Variants in FBXO34 observed in about 807,000 individuals in gnomAD.
FBXO34 encodes F-box only protein 34.
FBXO34 carries 12 observed loss-of-function variants against 24.5 expected under a neutral mutation model. That is an observed-to-expected ratio of 0.49 (90% confidence interval 0.31 to 0.79). The LOEUF (loss-of-function observed/expected upper bound fraction) is 0.79, where lower values mean the gene tolerates loss of function less well. Among genes scored for constraint, FBXO34 ranks in the 30% least tolerant of loss-of-function variants. The pLI, the probability that FBXO34 is intolerant of heterozygous loss-of-function variation, is 0.04. For missense variants in FBXO34, 823 were observed against 857.7 expected, an observed-to-expected ratio of 0.96 and a Z score of 0.51; for synonymous variants, 320 against 311.9, an observed-to-expected ratio of 1.03 and a Z score of -0.27.
At chr14:55,329,153 TAAAA>T (rs1883450746) in intron 1 of FBXO34, among the ~76,000 whole-genome samples, 1 of 149,626 alleles carries the variant, frequency 6.7e-6, no homozygotes, top group Non-Finnish European at 1.5e-5. Flanking sequence ...GGTTTATTTC[TAAAA>T]TTCATGCAGC....
intron 1 of FBXO34, among the ~76,000 whole-genome samples, chr14:55,334,108 C>A (rs774692967): frequency 6.6e-6 from 1 of 152,166 alleles, no homozygotes; most frequent in Non-Finnish European, 1.5e-5. Flanking sequence ...AGCTGCTACA[C>A]AAGCCAGAGC....
At chr14:55,396,264 C>A in the FBXO34 span, among the ~76,000 whole-genome samples, 2 of 152,190 alleles carry the variant, frequency 1.3e-5, no homozygotes, top group East Asian at 3.8e-4. Context: ...TCAGTAACTG[C>A]CATCCGTCAT....
downstream of FBXO34, among the ~76,000 whole-genome samples, chr14:55,358,099 A>G (rs980149436): frequency 7.2e-5 from 11 of 151,940 alleles, no homozygotes; most frequent in Non-Finnish European, 1.2e-4. Context: ...TATACAGACA[A>G]CGCAGCATGA....
At chr14:55,414,390 T>A in the FBXO34 span, 25 of 1,604,860 alleles carry the variant, frequency 1.6e-5, no homozygotes, top group South Asian at 8.0e-5. Context: ...CAGGCTTTTT[T>A]AAAACCTTTT....
At chr14:55,313,156 C>T (rs557148234) in intron 1 of FBXO34, among the ~76,000 whole-genome samples, 4 of 152,156 alleles carry the variant, frequency 2.6e-5, no homozygotes, top group South Asian at 2.1e-4. Flanking sequence ...ATTTCTTCTA[C>T]GAGATACTCT....
the FBXO34 span, chr14:55,424,377 A>G: frequency 2.2e-5 from 13 of 579,532 alleles, no homozygotes; most frequent in East Asian, 3.7e-4. Context: ...TATTTTATCA[A>G]AAACTTTTTA....
intron 1 of FBXO34, among the ~76,000 whole-genome samples, chr14:55,304,392 C>T (rs897321231): frequency 6.6e-6 from 1 of 152,022 alleles, no homozygotes; most frequent in Non-Finnish European, 1.5e-5. Flanking sequence ...CAGGATCTCA[C>T]TATGTTGCCC....
chr14:55,327,673 A>C (rs527396071), intron 1 of FBXO34, among the ~76,000 whole-genome samples: 1 of 152,232 alleles, frequency 6.6e-6, no homozygotes, highest in African/African-American at 2.4e-5. Flanking sequence ...TACTTTGGAC[A>C]TGTTGAGTTT....
chr14:55,412,654 T>A, the FBXO34 span, among the ~76,000 whole-genome samples: 1 of 152,192 alleles, frequency 6.6e-6, no homozygotes, highest in Non-Finnish European at 1.5e-5. Context: ...AGTGAGTTTA[T>A]AGGTGAGATT....
chr14:55,273,729 CG>C lies in FBXO34; in HGVS notation c.-11+2193del, dbSNP rs147431305. Among the ~76,000 whole-genome samples, 692 of 152,270 alleles carry C rather than the reference CG, an allele frequency of 4.5e-3. 6 individuals are homozygous for C. The highest frequency in any genetic ancestry group is 0.016 in the African/African-American group (661 of 41,544). The stretch of plus-strand genomic sequence containing the variant: ...GCAATTGAAGGAGGTCCAAAATGGA[CG>C]CTTGCATGTGTCTTTCCCGAGCGGT... On this transcript the variant is annotated intron_variant, in intron 1 of 1. Transcript: ENST00000313833.
At chr14:55,288,854 C>T (rs1223041652) in intron 1 of FBXO34, among the ~76,000 whole-genome samples, 1 of 152,126 alleles carries the variant, frequency 6.6e-6, no homozygotes, top group Non-Finnish European at 1.5e-5. Context: ...AGTTCGAGAC[C>T]AGCTTGGCCA....
chr14:55,368,117 CT>C (rs1156740519), downstream of FBXO34: 2 of 152,578 alleles, frequency 1.3e-5, no homozygotes, highest in Non-Finnish European at 2.9e-5. Context: ...AAATAAACTA[CT>C]TACATATTTG....
At chr14:55,289,658 C>T (rs751074873) in intron 1 of FBXO34, among the ~76,000 whole-genome samples, 1 of 152,162 alleles carries the variant, frequency 6.6e-6, no homozygotes, top group Non-Finnish European at 1.5e-5. Context: ...ACCTCAGCCT[C>T]CCAAGTAGTT....
chr14:55,303,953 C>T (rs188532541), intron 1 of FBXO34, among the ~76,000 whole-genome samples: 7 of 152,276 alleles, frequency 4.6e-5, no homozygotes, highest in East Asian at 3.9e-4. Context: ...GAATGTTTCA[C>T]GACTTACTGG....
rs199946477 is a variant in FBXO34 at position 55,302,446 on chromosome 14, C to CTTTTTTT, written c.-11+30915_-11+30916insTTTTTTT. On this transcript the variant is annotated intron_variant, in intron 1 of 1. Transcript: ENST00000313833. The stretch of plus-strand genomic sequence containing the variant: ...TTCTCATCAAGTGACTCTGTAGCCT[C>CTTTTTTT]TTTTTTGTTTTTTTTTTTTTTTTTA... 3.1e-5 allele frequency among the ~76,000 whole-genome samples: 4 copies of CTTTTTTT among 129,656 alleles called. 1 individual carries two copies. Among genetic ancestry groups the CTTTTTTT allele is most frequent in the Non-Finnish European group, 6.5e-5 (4 of 61,760 alleles). The allele number at this position is 129,656 out of a possible 152,430, so 85.1% of individuals were successfully genotyped here.
At chr14:55,442,072 C>T in the FBXO34 span, among the ~76,000 whole-genome samples, 1 of 151,446 alleles carries the variant, frequency 6.6e-6, no homozygotes, top group Non-Finnish European at 1.5e-5. Context: ...CTATAATTGA[C>T]ACTTTTTATG....
chr14:55,296,396 T>TTTTG (rs1882130677), intron 1 of FBXO34, among the ~76,000 whole-genome samples: 4 of 126,226 alleles, frequency 3.2e-5, no homozygotes, highest in African/African-American at 6.3e-5. Context: ...TTTTTGTTTT[T>TTTTG]TTTTTTTTTT....
At chr14:55,332,297 T>A (rs1384121302) in intron 1 of FBXO34, among the ~76,000 whole-genome samples, 1 of 151,954 alleles carries the variant, frequency 6.6e-6, no homozygotes, top group East Asian at 1.9e-4. Context: ...TTGATTATCC[T>A]TGGGCATTTT....
chr14:55,338,724 C>T (rs1428966396), intron 1 of FBXO34, among the ~76,000 whole-genome samples: 3 of 151,800 alleles, frequency 2.0e-5, no homozygotes, highest in Admixed American at 6.6e-5. Flanking sequence ...CTGGCTAACA[C>T]GGTGAAACCC....
Sources: allele counts gnomAD v4.1 joint callset (sites outside exome capture counted in the v4.1 genomes callset), GRCh38; gene constraint gnomAD v4.1.1; transcripts MANE v1.5; gene names NCBI Gene and HGNC (gene_info 2026-07-23, HGNC 2026-07-21).